HIGD1C: variants seen among roughly 807,000 people sequenced by gnomAD.
HIGD1C encodes the protein HIG1 hypoxia inducible domain family member 1C, also known as HIG1 domain family member 1C.
Under a neutral mutation model 13.1 loss-of-function variants are expected in HIGD1C, and 11 were observed. The observed-to-expected ratio is 0.84, with a 90% CI of 0.53 to 1.39. HIGD1C has a LOEUF of 1.39. HIGD1C is among the 40% of genes most tolerant of loss of function. The pLI, the probability that HIGD1C is intolerant of heterozygous loss-of-function variation, is 0.00. For synonymous variants in HIGD1C, 36 were observed against 37.7 expected, an observed-to-expected ratio of 0.95 and a Z score of 0.17; for missense variants, 110 against 112.0, an observed-to-expected ratio of 0.98 and a Z score of 0.08.
the HIGD1C span, among the ~76,000 whole-genome samples, chr12:50,943,927 G>C: frequency 2.0e-5 from 3 of 152,162 alleles, no homozygotes; most frequent in South Asian, 6.2e-4. Context: ...AATAATACCA[G>C]GCATCTCTGT....
the HIGD1C span, among the ~76,000 whole-genome samples, chr12:50,937,915 G>A: frequency 6.6e-6 from 1 of 152,074 alleles, no homozygotes; most frequent in Middle Eastern, 3.4e-3. Context: ...TGGGTCCATG[G>A]GCAGCCATGC....
chr12:50,932,798 C>T, the HIGD1C span, among the ~76,000 whole-genome samples: 1 of 152,156 alleles, frequency 6.6e-6, no homozygotes, highest in Non-Finnish European at 1.5e-5. Context: ...AGAAAGGAAG[C>T]TTTTACTATT....
upstream of HIGD1C, among the ~76,000 whole-genome samples, chr12:50,949,761 T>C (rs1450427743): frequency 6.6e-6 from 1 of 152,058 alleles, no homozygotes; most frequent in Non-Finnish European, 1.5e-5. Flanking sequence ...CTCAAACTCC[T>C]GGCCTCAAGT....
At chr12:50,963,255 A>C (rs1244005785) in intron 2 of HIGD1C, among the ~76,000 whole-genome samples, 1 of 151,456 alleles carries the variant, frequency 6.6e-6, no homozygotes, top group Non-Finnish European at 1.5e-5. Context: ...CTGTAATCCC[A>C]GCTACTCAGG....
At chr12:50,954,080 T>A in exon 1 of HIGD1C, 1 of 1,605,990 alleles carries the variant, frequency 6.2e-7, no homozygotes, top group East Asian at 2.2e-5. Flanking sequence ...AGACTCCCCC[T>A]TTGTCCCTAT....
intron 2 of HIGD1C, among the ~76,000 whole-genome samples, chr12:50,962,403 C>T (rs1939370655): frequency 6.7e-6 from 1 of 149,264 alleles, no homozygotes; most frequent in Non-Finnish European, 1.5e-5. Flanking sequence ...AAGAGTGAAA[C>T]TCCATCTAAA....
chr12:50,965,818 A>T (rs984697914), intron 2 of HIGD1C, among the ~76,000 whole-genome samples: 10 of 152,214 alleles, frequency 6.6e-5, no homozygotes, highest in Non-Finnish European at 2.9e-5. Flanking sequence ...AGGAAGACTT[A>T]CATCTATTTT....
At chr12:50,952,691 G>A (rs909637205), upstream of HIGD1C, among the ~76,000 whole-genome samples, 1 of 152,230 alleles carries the variant, frequency 6.6e-6, no homozygotes, top group Non-Finnish European at 1.5e-5. Context: ...TGCAGGAGGC[G>A]CACCTGCGAT....
the HIGD1C span, among the ~76,000 whole-genome samples, chr12:50,942,122 T>C: frequency 3.9e-5 from 6 of 152,250 alleles, no homozygotes; most frequent in East Asian, 1.2e-3. Context: ...GCTCAAGCAA[T>C]CCGCCCACCT....
the HIGD1C span, among the ~76,000 whole-genome samples, chr12:50,942,728 G>C: frequency 6.6e-6 from 1 of 152,084 alleles, no homozygotes. Context: ...GCCGGGCATG[G>C]TGGCATGCAC....
At chr12:50,945,479 A>C in the HIGD1C span, among the ~76,000 whole-genome samples, 1 of 152,216 alleles carries the variant, frequency 6.6e-6, no homozygotes, top group Non-Finnish European at 1.5e-5. Flanking sequence ...TCCCATTCAC[A>C]ATTGCTTCAA....
At chr12:50,944,774 C>T in the HIGD1C span, among the ~76,000 whole-genome samples, 1 of 152,124 alleles carries the variant, frequency 6.6e-6, no homozygotes, top group Admixed American at 6.5e-5. Flanking sequence ...GCAGTCCCAG[C>T]TACTCAGAAG....
chr12:50,938,279 G>A, the HIGD1C span, among the ~76,000 whole-genome samples: 4 of 152,044 alleles, frequency 2.6e-5, no homozygotes, highest in Non-Finnish European at 4.4e-5. Context: ...GGAGGCTGGC[G>A]TGTCAGCACC....
At chr12:50,963,288 C>G (rs781634600) in intron 2 of HIGD1C, among the ~76,000 whole-genome samples, 1 of 144,062 alleles carries the variant, frequency 6.9e-6, no homozygotes. Context: ...GAGAATTGCT[C>G]GAACCTGGGA....
chr12:50,969,809 GAC>G (rs1333844135), intron 2 of HIGD1C, among the ~76,000 whole-genome samples: 1 of 152,058 alleles, frequency 6.6e-6, no homozygotes, highest in Non-Finnish European at 1.5e-5. Flanking sequence ...TGATAACTGA[GAC>G]AGGTATGGGC....
chr12:50,933,854 T>C, the HIGD1C span, among the ~76,000 whole-genome samples: 4 of 152,338 alleles, frequency 2.6e-5, no homozygotes, highest in East Asian at 7.7e-4. Context: ...GGAGGATCCA[T>C]GACCGATCAG....
chr12:50,934,515 G>A, the HIGD1C span, among the ~76,000 whole-genome samples: 3 of 152,202 alleles, frequency 2.0e-5, no homozygotes. Flanking sequence ...CTGGCTTAGA[G>A]CCCTGAATAA....
At chr12:50,945,764 C>A in the HIGD1C span, among the ~76,000 whole-genome samples, 1 of 152,208 alleles carries the variant, frequency 6.6e-6, no homozygotes, top group Non-Finnish European at 1.5e-5. Flanking sequence ...AAAGAGCCCA[C>A]ATTGCTAAGA....
intron 1 of HIGD1C, among the ~76,000 whole-genome samples, chr12:50,955,023 G>A (rs1022945487): frequency 6.6e-6 from 1 of 152,114 alleles, no homozygotes; most frequent in Non-Finnish European, 1.5e-5. Flanking sequence ...CGGGCACAGT[G>A]GCTCACTCCT....
Sources: gnomAD v4.1 joint callset for allele counts (sites outside exome capture counted in the v4.1 genomes callset) on GRCh38, gnomAD v4.1.1 for gene constraint, MANE v1.5 for transcripts, NCBI Gene and HGNC (gene_info 2026-07-23, HGNC 2026-07-21) for gene names.